FRMD4B: variants seen among roughly 807,000 people sequenced by gnomAD.
The protein encoded by FRMD4B is FERM domain-containing protein 4B.
In FRMD4B, 74 loss-of-function variants were observed where a neutral mutation model predicts 141.5. That is an observed-to-expected ratio of 0.52 (90% CI 0.43 to 0.63). FRMD4B has a LOEUF of 0.63. Among genes scored for constraint, FRMD4B ranks in the 30% least tolerant of loss-of-function variants. The pLI, the probability that FRMD4B is intolerant of heterozygous loss-of-function variation, is 0.00. For missense variants in FRMD4B, 1,366 were observed against 1,253.4 expected (o/e 1.09, Z -1.36); for synonymous variants, 506 against 467.9 (o/e 1.08, Z -1.05).
intron 1 of FRMD4B, among the ~76,000 whole-genome samples, chr3:69,365,379 T>C (rs551150721): frequency 3.9e-5 from 6 of 152,270 alleles, no homozygotes; most frequent in African/African-American, 1.4e-4. Context: ...ATAAATGAAG[T>C]AAAATAAAAA....
chr3:69,200,820 T>C (rs1477508748), intron 11 of FRMD4B: 5 of 509,932 alleles, frequency 9.8e-6, no homozygotes, highest in Non-Finnish European at 1.8e-5. Flanking sequence ...ACCCTGGACA[T>C]GAACAGGTTC....
chr3:69,514,092 T>G (rs1036954447), intron 1 of FRMD4B, among the ~76,000 whole-genome samples: 1 of 152,018 alleles, frequency 6.6e-6, no homozygotes, highest in African/African-American at 2.4e-5. Context: ...GGCATCCAAA[T>G]TGGAAAGAAG....
intron 4 of FRMD4B, among the ~76,000 whole-genome samples, chr3:69,290,659 T>C (rs570280627): frequency 6.6e-6 from 1 of 152,300 alleles, no homozygotes; most frequent in Admixed American, 6.5e-5. Flanking sequence ...CCAGCTAACA[T>C]TTCCCTGAGC....
chr3:69,363,881 G>C (rs1000840276), intron 1 of FRMD4B, among the ~76,000 whole-genome samples: 1 of 152,290 alleles, frequency 6.6e-6, no homozygotes, highest in Middle Eastern at 3.4e-3. Context: ...TTCAGGACTG[G>C]AGGCAGCCAG....
intron 1 of FRMD4B, among the ~76,000 whole-genome samples, chr3:69,468,126 G>A (rs560902137): frequency 6.6e-6 from 1 of 152,114 alleles, no homozygotes; most frequent in South Asian, 2.1e-4. Flanking sequence ...CTTACATTCT[G>A]TTGCTTTGCT....
chr3:69,398,158 A>G (rs1435571658), intron 2 of FRMD4B, among the ~76,000 whole-genome samples: 20 of 152,174 alleles, frequency 1.3e-4, no homozygotes, highest in Non-Finnish European at 5.9e-5. Flanking sequence ...TATTGACAGT[A>G]CTGATTTCTG....
rs5849890 is a variant in FRMD4B at position 69,253,183 on chromosome 3, A to ATTT, written c.502-3087_502-3085dup. ...GGAAATTAGTGAAAATATGATTCCT[A>ATTT]TTTTTTTTTTTTTTTTTTTTTGCAG... On this transcript the variant is annotated intron_variant, in intron 5 of 22. Coordinates refer to ENST00000398540, the MANE Select transcript of FRMD4B (RefSeq NM_015123.3). 5.5e-3 allele frequency among the ~76,000 whole-genome samples: 710 copies of ATTT among 129,792 alleles called. 19 individuals carry two copies. Among genetic ancestry groups the ATTT allele is most frequent in the African/African-American group, 0.02 (676 of 33,520 alleles). The allele number at this position is 129,792 out of a possible 152,430, so 85.1% of individuals were successfully genotyped here.
At chr3:69,413,834 G>A (rs1242059692) in intron 2 of FRMD4B, among the ~76,000 whole-genome samples, 1 of 152,140 alleles carries the variant, frequency 6.6e-6, no homozygotes, top group Non-Finnish European at 1.5e-5. Context: ...GTGCGGGCAA[G>A]AAGAAAATGG....
intron 1 of FRMD4B, among the ~76,000 whole-genome samples, chr3:69,377,783 T>C (rs1022570238): frequency 4.6e-5 from 7 of 151,754 alleles, no homozygotes; most frequent in African/African-American, 1.7e-4. Context: ...CTAGTTCAAC[T>C]TTTCCCTCTG....
At chr3:69,531,012 A>G (rs17006067) in intron 1 of FRMD4B, among the ~76,000 whole-genome samples, 34,847 of 152,174 alleles carry the variant, frequency 0.23, 4,172 homozygotes, top group African/African-American at 0.28. Flanking sequence ...ATAACTGGCA[A>G]CAGGCATCTT....
chr3:69,406,482 C>A (rs1039831000), intron 2 of FRMD4B, among the ~76,000 whole-genome samples: 1 of 152,192 alleles, frequency 6.6e-6, no homozygotes, highest in African/African-American at 2.4e-5. Flanking sequence ...CTTTAAATAG[C>A]CTTGCCACAT....
At chr3:69,504,625 T>C (rs1416429846) in intron 1 of FRMD4B, among the ~76,000 whole-genome samples, 1 of 152,226 alleles carries the variant, frequency 6.6e-6, no homozygotes, top group East Asian at 1.9e-4. Flanking sequence ...TCATCCACAT[T>C]ATAGATCTAC....
At chr3:69,307,902 A>G (rs1701446280) in intron 3 of FRMD4B, among the ~76,000 whole-genome samples, 8 of 152,104 alleles carry the variant, frequency 5.3e-5, no homozygotes, top group Admixed American at 5.2e-4. Context: ...CTCACCTATG[A>G]TCTTGTCCCC....
intron 2 of FRMD4B, among the ~76,000 whole-genome samples, chr3:69,402,653 A>G (rs1412734994): frequency 1.3e-5 from 2 of 152,198 alleles, no homozygotes; most frequent in East Asian, 3.8e-4. Flanking sequence ...CAAATATCAA[A>G]CATAAGATGT....
At chr3:69,270,561 CT>C (rs200800689) in intron 5 of FRMD4B, among the ~76,000 whole-genome samples, 2 of 141,042 alleles carry the variant, frequency 1.4e-5, no homozygotes, top group Non-Finnish European at 3.1e-5. Flanking sequence ...TTCTTTTTTT[CT>C]TTTTTTCTTT....
At chr3:69,335,931 C>T (rs1357435109) in intron 1 of FRMD4B, among the ~76,000 whole-genome samples, 1 of 151,594 alleles carries the variant, frequency 6.6e-6, no homozygotes, top group East Asian at 2.0e-4. Flanking sequence ...CCATGTTGGC[C>T]AGGCTGGTTT....
chr3:69,191,111 G>A (rs188111681), intron 17 of FRMD4B, among the ~76,000 whole-genome samples: 9 of 152,274 alleles, frequency 5.9e-5, no homozygotes, highest in African/African-American at 1.9e-4. Flanking sequence ...CTCTATTGCT[G>A]GTATCCATCA....
At chr3:69,320,302 C>T (rs1425011938) in intron 1 of FRMD4B, among the ~76,000 whole-genome samples, 2 of 152,124 alleles carry the variant, frequency 1.3e-5, no homozygotes, top group South Asian at 2.1e-4. Flanking sequence ...TACCTTAAAA[C>T]CTGACCTGGG....
At chr3:69,391,024 T>C (rs913666373), upstream of FRMD4B, among the ~76,000 whole-genome samples, 4 of 152,162 alleles carry the variant, frequency 2.6e-5, no homozygotes, top group Admixed American at 1.3e-4. Flanking sequence ...GCAATCACTG[T>C]ATAATGGTTT....
Sources: allele counts gnomAD v4.1 joint callset (sites outside exome capture counted in the v4.1 genomes callset), GRCh38; gene constraint gnomAD v4.1.1; transcripts MANE v1.5; gene names NCBI Gene and HGNC (gene_info 2026-07-23, HGNC 2026-07-21).